Variants in MAPT observed in about 807,000 individuals in gnomAD.
MAPT encodes microtubule-associated protein tau.
Under a neutral mutation model 67.9 loss-of-function variants are expected in MAPT, and 34 were observed. The ratio of observed to expected loss-of-function variants is 0.50; its 90% CI spans 0.38 to 0.67. MAPT has a LOEUF of 0.67. MAPT is among the 30% of genes least tolerant of loss of function. The pLI is 0.00. For synonymous variants in MAPT, 456 were observed against 464.5 expected, an observed-to-expected ratio of 0.98 and a Z score of 0.23; for missense variants, 881 against 1,115.2, an observed-to-expected ratio of 0.79 and a Z score of 2.99.
chr17:45,941,368 G>GC (rs2144893202), intron 1 of MAPT, among the ~76,000 whole-genome samples: 1 of 152,188 alleles, frequency 6.6e-6, no homozygotes, highest in Admixed American at 6.5e-5. Context: ...AGACCCAGAA[G>GC]CCTCTCAGAC....
At position 46,024,614 on chromosome 17, in the gene MAPT, G is replaced by A. The variant is rs2076726920; in HGVS notation, c.*443G>A. The A allele has an allele frequency of 4.0e-6, 1 of 250,726 alleles. No homozygotes were observed. The highest frequency in any genetic ancestry group is 4.4e-5 in the South Asian group (1 of 22,634). 15.5% of individuals were successfully genotyped at this position (250,726 alleles called of 1,614,324 possible). On this transcript the variant is annotated 3_prime_UTR_variant, in exon 13 of 13. Transcript: ENST00000262410. ...CACAGAGGCAGTGGCAGCAACAAAG[G>A]ATTTGAAACTTGGTGTGTTCGTGGA...
At chr17:45,920,459 C>T (rs2065594072) in intron 1 of MAPT, among the ~76,000 whole-genome samples, 1 of 152,230 alleles carries the variant, frequency 6.6e-6, no homozygotes, top group South Asian at 2.1e-4. Flanking sequence ...ATGAGGGCCA[C>T]ACAGGGCATT....
At position 45,948,965 on chromosome 17, in the gene MAPT, G is replaced by A. The variant is rs242560; in HGVS notation, c.-17-13356G>A. 4.8e-3 allele frequency among the ~76,000 whole-genome samples: 736 copies of A among 152,334 alleles called. 43 individuals are homozygous for A. In the East Asian group the frequency reaches 0.11, roughly 23 times the overall value. ...ATCTCTGCTTGGTCTTCAGTTACCT[G>A]CAAGAGATCCATTTAGGGGATTTTT... On this transcript the variant is annotated intron_variant, in intron 1 of 12. Coordinates refer to ENST00000262410, the MANE Select transcript of MAPT (RefSeq NM_001377265.1).
chr17:45,965,720 C>A (rs1301347568), intron 2 of MAPT, among the ~76,000 whole-genome samples: 1 of 104,206 alleles, frequency 9.6e-6, no homozygotes, highest in Non-Finnish European at 1.9e-5. Context: ...CCAGTCAACT[C>A]CTTCTCAAAA....
chr17:45,928,766 G>C (rs1233511978), intron 1 of MAPT, among the ~76,000 whole-genome samples: 1 of 152,106 alleles, frequency 6.6e-6, no homozygotes, highest in African/African-American at 2.4e-5. Flanking sequence ...CGCGATCTTG[G>C]CTCACTGCAA....
At chr17:45,937,824 T>A (rs2067488816) in intron 1 of MAPT, among the ~76,000 whole-genome samples, 1 of 151,996 alleles carries the variant, frequency 6.6e-6, no homozygotes, top group Admixed American at 6.6e-5. Flanking sequence ...GGCAAACAAA[T>A]CTGACTCCAA....
At chr17:45,977,310 A>G (rs2072475704) in intron 3 of MAPT, 1 of 152,218 alleles carries the variant, frequency 6.6e-6, no homozygotes. Context: ...GGGATCCGGC[A>G]TTCCTATCTT....
intron 11 of MAPT, among the ~76,000 whole-genome samples, chr17:46,016,184 G>T (rs930931069): frequency 6.6e-6 from 1 of 152,154 alleles, no homozygotes; most frequent in African/African-American, 2.4e-5. Flanking sequence ...CTGAGGTCAG[G>T]AGTTGGAGAT....
chr17:45,962,890 A>C (rs2070608777), intron 2 of MAPT, among the ~76,000 whole-genome samples: 1 of 151,986 alleles, frequency 6.6e-6, no homozygotes, highest in Non-Finnish European at 1.5e-5. Flanking sequence ...ATAAAACTGC[A>C]CTCCAGCCTG....
intron 1 of MAPT, among the ~76,000 whole-genome samples, chr17:45,902,952 T>C (rs1297076923): frequency 6.6e-6 from 1 of 152,194 alleles, no homozygotes; most frequent in African/African-American, 2.4e-5. Flanking sequence ...TTCCAGCCTA[T>C]GGCCCAGTTT....
At chr17:45,941,400 A>T (rs1271066518) in intron 1 of MAPT, among the ~76,000 whole-genome samples, 1 of 152,092 alleles carries the variant, frequency 6.6e-6, no homozygotes, top group Non-Finnish European at 1.5e-5. Flanking sequence ...TGGAGGGCGT[A>T]GCACAGAGGC....
intron 1 of MAPT, chr17:45,908,080 G>T (rs1193474159): frequency 1.3e-5 from 2 of 152,246 alleles, no homozygotes; most frequent in Admixed American, 6.5e-5. Flanking sequence ...CTGTGAATGG[G>T]TCATATGTAA....
chr17:45,975,070 G>T, intron 3 of MAPT: 1 of 153,400 alleles, frequency 6.5e-6, no homozygotes, highest in Non-Finnish European at 1.5e-5. Context: ...CAGACAGGGC[G>T]CCGGGCTCAA....
chr17:45,979,818 C>G (rs756337025), intron 4 of MAPT: 7 of 152,106 alleles, frequency 4.6e-5, no homozygotes, highest in Non-Finnish European at 7.4e-5. Context: ...GTCTACATGC[C>G]CCCAGAACAT....
chr17:45,917,300 G>A (rs1023127290), intron 1 of MAPT, among the ~76,000 whole-genome samples: 2 of 152,186 alleles, frequency 1.3e-5, no homozygotes, highest in Non-Finnish European at 2.9e-5. Flanking sequence ...TCGAGTGGTC[G>A]GTCACCTCTC....
chr17:45,989,933 A>G lies in MAPT; in HGVS notation c.1463A>G (p.Lys488Arg). ...AAAAATAGGCCTTGCCTTAGCCCCA[A>G]ACACCCCACTCCTGGTAGCTCAGAC... ...TLKNRPCLSP[K>R]HPTPGSSDPL... Residue 488 changes from lysine to arginine, a missense_variant, in exon 7 of 13, where the codon AAA (lysine) becomes AGA (arginine). Around this residue, in one of 6 missense-constraint regions of MAPT, gnomAD observed 687 missense variants for 766.1 expected, o/e 0.90. Coordinates refer to ENST00000262410, the MANE Select transcript of MAPT (RefSeq NM_001377265.1). 2 of 1,614,062 alleles carry G rather than the reference A, an allele frequency of 1.2e-6. No individual in the cohort carries two copies. Among genetic ancestry groups the G allele is most frequent in the African/African-American group, 1.3e-5 (1 of 75,020 alleles).
At chr17:45,984,065 C>G in intron 5 of MAPT, 135 bp downstream of exon 5, 4 of 766,830 alleles carry the variant, frequency 5.2e-6, no homozygotes, top group Non-Finnish European at 8.5e-6. Context: ...TAAATCGACA[C>G]CTGGGTGCAG....
intron 11 of MAPT, among the ~76,000 whole-genome samples, chr17:46,015,892 AG>A (rs1457792748): frequency 6.6e-6 from 1 of 152,128 alleles, no homozygotes; most frequent in African/African-American, 2.4e-5. Flanking sequence ...TAAGGTGAAG[AG>A]GGAGGCGAGA....
chr17:45,952,402 C>A (rs1008463487), intron 1 of MAPT, among the ~76,000 whole-genome samples: 2 of 152,172 alleles, frequency 1.3e-5, no homozygotes, highest in Non-Finnish European at 2.9e-5. Context: ...CTGATCACTA[C>A]CCCGCCCCAG....
Sources: gnomAD v4.1 joint callset for allele counts (sites outside exome capture counted in the v4.1 genomes callset) on GRCh38, gnomAD v4.1.1 for gene constraint, gnomAD v4.1.1 regional missense constraint, MANE v1.5 for transcripts, NCBI Gene and HGNC (gene_info 2026-07-23, HGNC 2026-07-21) for gene names.